Variants in CTNNA2 observed in about 807,000 individuals in gnomAD.
The protein encoded by CTNNA2 is catenin alpha 2.
A neutral mutation model predicts 101.0 loss-of-function variants in CTNNA2; 42 were observed. The ratio of observed to expected loss-of-function variants is 0.42; its 90% confidence interval spans 0.32 to 0.54. The LOEUF (loss-of-function observed/expected upper bound fraction) is 0.54. CTNNA2 is among the 20% of genes least tolerant of loss of function. The pLI is 0.14. For missense variants in CTNNA2, 871 were observed against 1,223.1 expected (o/e 0.71, Z 4.29); for synonymous variants, 450 against 456.4 (o/e 0.99, Z 0.18).
intron 7 of CTNNA2, among the ~76,000 whole-genome samples, chr2:80,103,929 T>C (rs1700712229): frequency 6.6e-6 from 1 of 152,210 alleles, no homozygotes; most frequent in Non-Finnish European, 1.5e-5. Flanking sequence ...AGATTGGGTT[T>C]CGCCATGTTG....
chr2:79,714,036 A>C (rs1437600618), intron 2 of CTNNA2, among the ~76,000 whole-genome samples: 1 of 152,082 alleles, frequency 6.6e-6, no homozygotes, highest in Non-Finnish European at 1.5e-5. Flanking sequence ...GCAAGAACTG[A>C]ATTCCACCCT....
At chr2:79,427,076 C>CT (rs778699261) in intron 4 of CTNNA2, among the ~76,000 whole-genome samples, 61 of 148,628 alleles carry the variant, frequency 4.1e-4, no homozygotes, top group African/African-American at 1.1e-3. Context: ...ACAGTCATGT[C>CT]TTTTTTTTTT....
chr2:80,380,022 G>T (rs1329962010), intron 7 of CTNNA2, among the ~76,000 whole-genome samples: 1 of 146,418 alleles, frequency 6.8e-6, no homozygotes, highest in Non-Finnish European at 1.5e-5. Flanking sequence ...CACTGTTCGA[G>T]ATGTACTTTT....
chr2:80,536,271 G>A (rs756608958), intron 9 of CTNNA2, among the ~76,000 whole-genome samples: 5 of 152,170 alleles, frequency 3.3e-5, no homozygotes, highest in African/African-American at 9.6e-5. Context: ...AAAATGTTTT[G>A]CGTGAAATCT....
chr2:80,179,586 G>A (rs756305272), intron 7 of CTNNA2, among the ~76,000 whole-genome samples: 2 of 152,086 alleles, frequency 1.3e-5, no homozygotes, highest in Admixed American at 6.5e-5. Flanking sequence ...TGTTAGCCAG[G>A]ATGGTCTAGA....
At chr2:80,357,009 A>G (rs1673879050) in intron 7 of CTNNA2, among the ~76,000 whole-genome samples, 1 of 152,230 alleles carries the variant, frequency 6.6e-6, no homozygotes, top group African/African-American at 2.4e-5. Context: ...GGTAGATAGC[A>G]GTGTTAACTT....
intron 1 of CTNNA2, among the ~76,000 whole-genome samples, chr2:79,554,030 C>T (rs1197453002): frequency 1.3e-5 from 2 of 152,124 alleles, no homozygotes; most frequent in African/African-American, 4.8e-5. Flanking sequence ...TTTCCTTTCA[C>T]ACTACAAATA....
At chr2:80,068,408 T>G (rs1285458170) in intron 7 of CTNNA2, among the ~76,000 whole-genome samples, 1 of 152,260 alleles carries the variant, frequency 6.6e-6, no homozygotes, top group Non-Finnish European at 1.5e-5. Context: ...GTGGGAAACA[T>G]GCAAATTGCT....
chr2:80,081,845 G>A (rs1377313397), intron 7 of CTNNA2, among the ~76,000 whole-genome samples: 1 of 151,736 alleles, frequency 6.6e-6, no homozygotes, highest in African/African-American at 2.4e-5. Flanking sequence ...CAAGTATCCT[G>A]TATAGAAGCA....
intron 7 of CTNNA2, among the ~76,000 whole-genome samples, chr2:80,087,585 T>G (rs942323718): frequency 3.3e-5 from 5 of 152,094 alleles, no homozygotes; most frequent in African/African-American, 1.2e-4. Flanking sequence ...CTGTGTGGGC[T>G]GCTCTCTGGA....
In CTNNA2 at chr2:80,416,026, G is replaced by A. The variant is rs114525881; in HGVS notation, c.1138-3423G>A. 9.9e-3 allele frequency among the ~76,000 whole-genome samples: 1,499 copies of A among 152,112 alleles called. 20 individuals carry two copies. Among genetic ancestry groups the A allele is most frequent in the African/African-American group, 0.034 (1,407 of 41,502 alleles). ...GAGGTGGAACTCACAGAAACAAAAA[G>A]TAAGCCAGTGGTTGCTAGGGGCTGG... On this transcript the variant is annotated intron_variant, in intron 8 of 18. Transcript: ENST00000402739.
intron 2 of CTNNA2, among the ~76,000 whole-genome samples, chr2:79,716,521 A>T (rs189855198): frequency 6.6e-6 from 1 of 152,144 alleles, no homozygotes; most frequent in Non-Finnish European, 1.5e-5. Flanking sequence ...ATGTGTTCTC[A>T]TCGTTCAGCT....
intron 7 of CTNNA2, among the ~76,000 whole-genome samples, chr2:80,095,525 G>A (rs1250520480): frequency 1.3e-5 from 2 of 152,192 alleles, no homozygotes; most frequent in Non-Finnish European, 2.9e-5. Context: ...CATCAAATGA[G>A]TTAGGGAGGA....
intron 7 of CTNNA2, among the ~76,000 whole-genome samples, chr2:79,990,980 G>T (rs559741790): frequency 6.6e-6 from 1 of 152,228 alleles, no homozygotes; most frequent in East Asian, 1.9e-4. Context: ...CAGAGATTCA[G>T]CTGCTTCCTG....
rs1448345444 is a variant in CTNNA2, at chr2:80,555,143, A to AGACCAACT, written c.1541-548_1541-541dup. Among the ~76,000 whole-genome samples, 15 of 78,222 alleles carry AGACCAACT rather than the reference A, an allele frequency of 1.9e-4. No individual in the cohort carries two copies. The South Asian group carries it at 9.7e-3, about 51-fold the overall frequency. 51.3% of individuals were successfully genotyped at this position (78,222 alleles called of 152,430 possible). On this transcript the variant is annotated intron_variant, in intron 11 of 18. Transcript: ENST00000402739. ...ACCGTGTGCATGACATAATTTTAAA[A>AGACCAACT]GACCAACTGCGTGATATTTATTTTT... is the stretch of plus-strand genomic sequence containing the variant.
At chr2:80,071,266 G>A (rs1163613098) in intron 7 of CTNNA2, among the ~76,000 whole-genome samples, 1 of 152,146 alleles carries the variant, frequency 6.6e-6, no homozygotes, top group Non-Finnish European at 1.5e-5. Context: ...TTAAATGGAA[G>A]AATTGTAACA....
In CTNNA2 at chr2:79,878,420, T is replaced by A. The variant is rs10181858; in HGVS notation, c.852+4078T>A. On this transcript the variant is annotated intron_variant, in intron 6 of 18. Coordinates refer to ENST00000402739, the MANE Select transcript of CTNNA2 (RefSeq NM_001282597.3). ...GTCTTCCACAATAGCTGAACTAATTTACATTCCCACCAACAGTGTAAAAGC... is the reference window on the plus strand; with the variant it reads ...GTCTTCCACAATAGCTGAACTAATTAACATTCCCACCAACAGTGTAAAAGC... Among the ~76,000 whole-genome samples, 680 of 152,322 alleles carry A rather than the reference T, an allele frequency of 4.5e-3. 1 individual carries two copies. The highest frequency in any genetic ancestry group is 0.015 in the African/African-American group (633 of 41,580).
In CTNNA2 at chr2:80,291,033, C is replaced by G. The variant is rs569643003; in HGVS notation, c.1057-102178C>G. On this transcript the variant is annotated intron_variant, in intron 7 of 18. Coordinates refer to ENST00000402739, the MANE Select transcript of CTNNA2 (RefSeq NM_001282597.3). Reference sequence around the variant, plus strand: ...CTGTCCAAAGCTGGGACAGAGCATGCTTTAATCATTCTGTGAGTGAATCCC... The same window carrying G: ...CTGTCCAAAGCTGGGACAGAGCATGGTTTAATCATTCTGTGAGTGAATCCC... 6.6e-5 allele frequency among the ~76,000 whole-genome samples: 10 copies of G among 152,290 alleles called. No homozygotes were observed. In the East Asian group the frequency reaches 1.9e-3, roughly 29 times the overall value.
At chr2:79,940,041 G>A (rs1688048957) in intron 7 of CTNNA2, among the ~76,000 whole-genome samples, 2 of 152,036 alleles carry the variant, frequency 1.3e-5, no homozygotes, top group Admixed American at 6.6e-5. Flanking sequence ...GTGGTGAGCC[G>A]AGATTGCACC....
Sources: allele counts gnomAD v4.1 joint callset (sites outside exome capture counted in the v4.1 genomes callset), GRCh38; gene constraint gnomAD v4.1.1; transcripts MANE v1.5; gene names NCBI Gene and HGNC (gene_info 2026-07-23, HGNC 2026-07-21).